Variants in ST3GAL1 observed in about 807,000 individuals in gnomAD.
ST3GAL1 encodes the protein CMP-N-acetylneuraminate-beta-galactosamide-alpha-2,3-sialyltransferase 1.
A neutral mutation model predicts 34.1 loss-of-function variants in ST3GAL1; 16 were observed. The observed-to-expected ratio is 0.47, with a 90% CI of 0.32 to 0.71. ST3GAL1 has a LOEUF of 0.71. Ranked by LOEUF, ST3GAL1 falls within the 30% of genes least tolerant of loss-of-function variation. The pLI is 0.04. For missense variants in ST3GAL1, 353 were observed against 447.4 expected, an observed-to-expected ratio of 0.79 and a Z score of 1.90; for synonymous variants, 191 against 184.7, an observed-to-expected ratio of 1.03 and a Z score of -0.28.
chr8:133,554,356 T>A (rs1167033917), intron 1 of ST3GAL1, among the ~76,000 whole-genome samples: 1 of 152,214 alleles, frequency 6.6e-6, no homozygotes, highest in African/African-American at 2.4e-5. Context: ...ACGTTTACAC[T>A]GCAGCGGTGG....
chr8:133,526,900 T>C (rs1817991613), intron 2 of ST3GAL1, among the ~76,000 whole-genome samples: 1 of 152,178 alleles, frequency 6.6e-6, no homozygotes. Context: ...CCAAGGGCTG[T>C]GACAGGCAGA....
chr8:133,460,874 G>A (rs1042509348), intron 9 of ST3GAL1, among the ~76,000 whole-genome samples: 5 of 152,010 alleles, frequency 3.3e-5, no homozygotes, highest in Admixed American at 1.3e-4. Flanking sequence ...GGGCTGCAGC[G>A]TGGAAGATAG....
Position 133,461,936 on chromosome 8 carries a change from T to C in ST3GAL1, c.788A>G (p.His263Arg). The change falls in exon 9 of 10, where the codon CAC (histidine) becomes CGC (arginine). Residue 263 changes from histidine (H) to arginine (R), a missense_variant. Physicochemically the swap from His to Arg is conservative, Grantham distance 29 (BLOSUM62 0). Transcript: ENST00000522652. This position sits in a 1 kb window ranked among gnomAD's most constrained non-coding sequence, Gnocchi z 4.7. ...KYVFDNWLQGHGRYPSTGILS... is the reference protein window; with the variant it reads ...KYVFDNWLQGRGRYPSTGILS... ...GATGCCGGTAGATGGGTATCGCCCGTGCCCTTGCAGCCAGTTGTCAAAGAC... is the reference window on the plus strand; with the variant it reads ...GATGCCGGTAGATGGGTATCGCCCGCGCCCTTGCAGCCAGTTGTCAAAGAC... 6.2e-7 allele frequency: 1 copy of C among 1,614,132 alleles called. No individual in the cohort carries two copies. The highest frequency in any genetic ancestry group is 8.5e-7 in the Non-Finnish European group (1 of 1,180,014).
At chr8:133,513,706 C>A (rs560500971) in intron 2 of ST3GAL1, among the ~76,000 whole-genome samples, 1 of 152,144 alleles carries the variant, frequency 6.6e-6, no homozygotes, top group East Asian at 1.9e-4. Context: ...CCAGTCTAGC[C>A]AACATGGTGA....
rs548288934 is a variant in ST3GAL1, at chr8:133,540,783, A to G, written c.-429+4991T>C. ...TATAGACATATATATATAGAGACAT[A>G]TATATATATAGACATATATATAGAG... On this transcript the variant is annotated intron_variant, in intron 2 of 9. Coordinates refer to ENST00000522652, the MANE Select transcript of ST3GAL1 (RefSeq NM_173344.3). Among the ~76,000 whole-genome samples the G allele has an allele frequency of 9.4e-3, 138 of 14,748 alleles. 5 individuals are homozygous for G. Among genetic ancestry groups the G allele is most frequent in the Non-Finnish European group, 0.014 (112 of 7,950 alleles). 9.7% of individuals were successfully genotyped at this position (14,748 alleles called of 152,430 possible).
In ST3GAL1 at chr8:133,556,821, G is replaced by A. The variant is rs1819044541; in HGVS notation, c.-581-10895C>T. On this transcript the variant is annotated intron_variant, in intron 1 of 9. Coordinates refer to ENST00000522652, the MANE Select transcript of ST3GAL1 (RefSeq NM_173344.3). The surrounding 1 kb of genome is among the most constrained non-coding windows in gnomAD (Gnocchi z 8.9). ...CTTTGAAATATGGTGTGGTGGAGGG[G>A]GGACATTTTGTTCTTTTGGCCTCTT... Among the ~76,000 whole-genome samples the A allele has an allele frequency of 6.6e-6, 1 of 152,118 alleles. No individual in the cohort carries two copies. Among genetic ancestry groups the A allele is most frequent in the Admixed American group, 6.5e-5 (1 of 15,278 alleles).
chr8:133,497,455 A>ATTTTTTTTTTTTTTTTTTTT lies in ST3GAL1; in HGVS notation c.-374+1679_-374+1680insAAAAAAAAAAAAAAAAAAAA, dbSNP rs1816988627. On this transcript the variant is annotated intron_variant, in intron 3 of 9. Transcript: ENST00000522652. ...CTTCTCTCCCATGCAATTTTGTTGG[A>ATTTTTTTTTTTTTTTTTTTT]ATTTTTTTTTTTTTTTTTTTTTTTT... 3.5e-4 allele frequency among the ~76,000 whole-genome samples: 35 copies of ATTTTTTTTTTTTTTTTTTTT among 101,242 alleles called. 17 individuals are homozygous for ATTTTTTTTTTTTTTTTTTTT. Among genetic ancestry groups the ATTTTTTTTTTTTTTTTTTTT allele is most frequent in the Middle Eastern group, 0.011 (2 of 186 alleles). 66.4% of individuals were successfully genotyped at this position (101,242 alleles called of 152,430 possible).
At chr8:133,563,953 G>A (rs1488153483) in intron 1 of ST3GAL1, among the ~76,000 whole-genome samples, 2 of 152,162 alleles carry the variant, frequency 1.3e-5, no homozygotes, top group Non-Finnish European at 2.9e-5. Flanking sequence ...CTCACGAGCA[G>A]CCCGCCCTGA....
chr8:133,567,118 A>G (rs981249029), intron 1 of ST3GAL1: 7 of 152,216 alleles, frequency 4.6e-5, no homozygotes, highest in Non-Finnish European at 1.0e-4. Flanking sequence ...CCATCTCTAG[A>G]ACACCCTTCT....
At chr8:133,470,667 G>A (rs1029147376) in intron 5 of ST3GAL1, among the ~76,000 whole-genome samples, 14 of 152,178 alleles carry the variant, frequency 9.2e-5, no homozygotes, top group Admixed American at 7.8e-4. Flanking sequence ...TGTCCATGGT[G>A]GGTGCTGTCT....
chr8:133,559,411 G>C (rs890483606), intron 1 of ST3GAL1, among the ~76,000 whole-genome samples: 7 of 152,166 alleles, frequency 4.6e-5, no homozygotes, highest in Admixed American at 6.5e-5. Flanking sequence ...TTTTCCATTT[G>C]AAGCTTCTAT....
rs746875620 is a variant in ST3GAL1 at position 133,475,708 on chromosome 8, C to T, written c.306+11G>A. On this transcript the variant is annotated intron_variant, in intron 5 of 9. Transcript: ENST00000522652. Reference sequence around the variant, plus strand: ...TCTCAGCCCAGACCCCGCTCTCAGGCAGCATCTCACCAGCCACCATCGGTA... The same window carrying T: ...TCTCAGCCCAGACCCCGCTCTCAGGTAGCATCTCACCAGCCACCATCGGTA... 1.3e-6 allele frequency: 2 copies of T among 1,575,260 alleles called. No homozygotes were observed. The highest frequency in any genetic ancestry group is 4.5e-5 in the East Asian group (2 of 44,346).
Position 133,466,108 on chromosome 8 carries a change from AAGG to A in ST3GAL1, c.307-21_307-19del, listed in dbSNP as rs1815725329. 1 of 1,598,496 alleles carries A rather than the reference AAGG, an allele frequency of 6.3e-7. No homozygotes were observed. The highest frequency in any genetic ancestry group is 8.5e-7 in the Non-Finnish European group (1 of 1,169,784). ...TGGAGCCTCTGTGGGCGGAGGACAG[AAGG>A]TGGTCAACCTGGCTTTGTGGCTCCA... On this transcript the variant is annotated intron_variant, in intron 5 of 9. Coordinates refer to ENST00000522652, the MANE Select transcript of ST3GAL1 (RefSeq NM_173344.3). This position sits in a 1 kb window ranked among gnomAD's most constrained non-coding sequence, Gnocchi z 4.4.
At chr8:133,566,033 T>C (rs114351295) in intron 1 of ST3GAL1, among the ~76,000 whole-genome samples, 1,775 of 152,350 alleles carry the variant, frequency 0.012, 25 homozygotes, top group African/African-American at 0.04. Flanking sequence ...CCAGGCCACA[T>C]AGGAAGGGCT....
Position 133,475,852 on chromosome 8 carries a change from G to T in ST3GAL1, c.173C>A (p.Pro58His). 1 of 1,614,164 alleles carries T rather than the reference G, an allele frequency of 6.2e-7. No homozygotes were observed. The highest frequency in any genetic ancestry group is 1.1e-5 in the South Asian group (1 of 91,076). ...ENLKRLIKHR[P>H]CTCTHCIGQR... Reference sequence around the variant, plus strand: ...CCCGATGCAGTGGGTGCAGGTGCAAGGCCTGTGCTTGATCAGTCTCTTCAG... The same window carrying T: ...CCCGATGCAGTGGGTGCAGGTGCAATGCCTGTGCTTGATCAGTCTCTTCAG... The change falls in exon 5 of 10, where the codon CCT (proline) becomes CAT (histidine). Residue 58 changes from proline to histidine, a missense_variant. Physicochemically the swap from Pro to His is moderately conservative, Grantham distance 77. Coordinates refer to ENST00000522652, the MANE Select transcript of ST3GAL1 (RefSeq NM_173344.3).
intron 2 of ST3GAL1, among the ~76,000 whole-genome samples, chr8:133,532,870 G>A (rs763721628): frequency 6.6e-6 from 1 of 152,276 alleles, no homozygotes; most frequent in East Asian, 1.9e-4. Flanking sequence ...GCGTGGAGGG[G>A]GTGATAGTTT....
At chr8:133,522,371 C>A (rs1225816274) in intron 2 of ST3GAL1, among the ~76,000 whole-genome samples, 1 of 152,142 alleles carries the variant, frequency 6.6e-6, no homozygotes, top group Non-Finnish European at 1.5e-5. Flanking sequence ...ACAGAAGGTT[C>A]CCTGCTTTAA....
chr8:133,545,826 A>G lies in ST3GAL1; in HGVS notation c.-481T>C, dbSNP rs1818658421. The stretch of plus-strand genomic sequence containing the variant: ...CTGGTCCCCAAATGGAATTGTCCTG[A>G]CCCAAGCTCAATGCATTTGCTCACT... On this transcript the variant is annotated 5_prime_UTR_variant, in exon 2 of 10. Transcript: ENST00000522652. 6.6e-6 allele frequency: 1 copy of G among 152,118 alleles called. No homozygotes were observed. The highest frequency in any genetic ancestry group is 2.4e-5 in the African/African-American group (1 of 41,428). The allele number at this position is 152,118 out of a possible 1,614,324, so 9.4% of individuals were successfully genotyped here. A position where few individuals can be genotyped will look rare whatever the true frequency, so the allele number is the denominator to read the frequency against.
chr8:133,471,309 A>G (rs928844485), intron 5 of ST3GAL1, among the ~76,000 whole-genome samples: 2 of 152,178 alleles, frequency 1.3e-5, no homozygotes, highest in Non-Finnish European at 2.9e-5. Flanking sequence ...CTGAGCCCCT[A>G]TCACATCCCC....
Sources: gnomAD v4.1 joint callset for allele counts (sites outside exome capture counted in the v4.1 genomes callset) on GRCh38, gnomAD v4.1.1 for gene constraint, Gnocchi (gnomAD v3.1) non-coding constraint, MANE v1.5 for transcripts, NCBI Gene and HGNC (gene_info 2026-07-23, HGNC 2026-07-21) for gene names.